Variants in ZNF333 observed in about 807,000 individuals in gnomAD.
ZNF333 encodes zinc finger protein 333.
Under a neutral mutation model 76.1 loss-of-function variants are expected in ZNF333, and 61 were observed. That is an observed-to-expected ratio of 0.80 (90% CI 0.65 to 0.99). ZNF333 has a LOEUF of 0.99. ZNF333 is among the 50% of genes least tolerant of loss of function. The probability of loss-of-function intolerance (pLI) is 0.00; values close to 1 mark genes in which losing one functional copy is unlikely to be tolerated. For synonymous variants in ZNF333, 284 were observed against 305.0 expected (o/e 0.93, Z 0.72); for missense variants, 717 against 822.4 (o/e 0.87, Z 1.57).
At chr19:14,709,929 C>T (rs1184889104) in intron 7 of ZNF333, among the ~76,000 whole-genome samples, 1 of 152,210 alleles carries the variant, frequency 6.6e-6, no homozygotes, top group Non-Finnish European at 1.5e-5. Context: ...CTGACCTAGA[C>T]CATGATAAAT....
chr19:14,706,552 A>C (rs903815538), intron 6 of ZNF333, 134 bp from the exon 7 acceptor site: 1 of 744,182 alleles, frequency 1.3e-6, no homozygotes, highest in African/African-American at 1.8e-5. Flanking sequence ...GACAAGGTAA[A>C]TGGGTCTCTC....
intron 7 of ZNF333, chr19:14,707,369 T>A (rs985338394): frequency 1.3e-5 from 2 of 152,040 alleles, no homozygotes; most frequent in Non-Finnish European, 2.9e-5. Context: ...GTCGCTTTAT[T>A]GCACTTTGCA....
intron 11 of ZNF333, 142 bp from the exon 12 acceptor site, chr19:14,718,086 T>C (rs1033487336): frequency 6.8e-6 from 8 of 1,178,944 alleles, no homozygotes; most frequent in Non-Finnish European, 9.3e-6. Flanking sequence ...TTGAAGGAAC[T>C]CTGGATAGAA....
chr19:14,699,497 G>T, intron 5 of ZNF333: 2 of 449,882 alleles, frequency 4.4e-6, no homozygotes, highest in Non-Finnish European at 8.1e-6. Context: ...GTCTTGTTCT[G>T]TCACCCAGGC....
intron 4 of ZNF333, among the ~76,000 whole-genome samples, chr19:14,697,905 T>C (rs561677441): frequency 1.3e-4 from 20 of 152,320 alleles, no homozygotes; most frequent in East Asian, 5.8e-4. Context: ...ATGTTCTTTG[T>C]CTAGTTCTTT....
rs1284375815 is a variant in ZNF333 at position 14,718,999 on chromosome 19, G to GGA, written c.1677_1678dup (p.Lys560ArgfsTer51). The GGA allele has an allele frequency of 3.1e-6, 5 of 1,614,090 alleles. No individual in the cohort carries two copies. The highest frequency in any genetic ancestry group is 4.2e-6 in the Non-Finnish European group (5 of 1,180,052). ...GAAGAGTCACATGCGAACTCACACT[G>GGA]GAGAGAAGCCCTATGTGTGCCAGGA... On this transcript the variant is annotated frameshift_variant, in exon 12 of 12. Transcript: ENST00000292530. LOFTEE classifies it high-confidence loss of function.
intron 7 of ZNF333, among the ~76,000 whole-genome samples, chr19:14,712,730 C>G (rs1599738216): frequency 6.6e-6 from 1 of 152,080 alleles, no homozygotes; most frequent in Non-Finnish European, 1.5e-5. Context: ...GCTGTGTCAC[C>G]TCTGTGTATC....
chr19:14,695,621 A>C lies in ZNF333; in HGVS notation c.183A>C (p.Pro61=), dbSNP rs368867569. 251 of 1,614,060 alleles carry C rather than the reference A, an allele frequency of 1.6e-4. 1 individual carries two copies. The highest frequency in any genetic ancestry group is 1.5e-4 in the South Asian group (14 of 91,088). Residue 61 remains proline, a synonymous_variant, in exon 4 of 12, where the codon CCA becomes CCC. Transcript: ENST00000292530. The stretch of plus-strand genomic sequence containing the variant: ...CCCAGCTGGGGCAAAGAGCAGAGCC[A>C]AAGGCAACAGAACGAGGGATTCTCC... ...CVSQLGQRAE[P]KATERGILRA...
At position 14,720,890 on chromosome 19, in the gene ZNF333, T is replaced by C. The variant is rs2042570425; in HGVS notation, c.*1565T>C. 1 of 891,720 alleles carries C rather than the reference T, an allele frequency of 1.1e-6. No homozygotes were observed. Among genetic ancestry groups the C allele is most frequent in the African/African-American group, 1.8e-5 (1 of 55,222 alleles). 55.2% of individuals were successfully genotyped at this position (891,720 alleles called of 1,614,324 possible). On this transcript the variant is annotated 3_prime_UTR_variant, in exon 12 of 12. Coordinates refer to ENST00000292530, the MANE Select transcript of ZNF333 (RefSeq NM_032433.4). The stretch of plus-strand genomic sequence containing the variant: ...CATTCTGTCAGTTTTTAAATTTATG[T>C]ATATACATACATATATATGTTTTGA...
intron 5 of ZNF333, among the ~76,000 whole-genome samples, chr19:14,703,645 G>A (rs1249751071): frequency 1.3e-5 from 2 of 152,214 alleles, no homozygotes; most frequent in African/African-American, 2.4e-5. Flanking sequence ...AGAAAGGAGC[G>A]AGGGGATAGC....
intron 2 of ZNF333, 79 bp from the exon 3 acceptor site, chr19:14,694,931 T>A: frequency 1.3e-6 from 2 of 1,586,704 alleles, no homozygotes; most frequent in Non-Finnish European, 1.7e-6. Context: ...GAACATTTTC[T>A]CTTCTCCAGT....
At chr19:14,696,199 G>C (rs1020406767) in intron 4 of ZNF333, among the ~76,000 whole-genome samples, 7 of 152,136 alleles carry the variant, frequency 4.6e-5, no homozygotes, top group African/African-American at 1.7e-4. Context: ...AAAAATTAGA[G>C]CTATAAGTCA....
At chr19:14,700,882 G>T (rs1197923982) in intron 5 of ZNF333, among the ~76,000 whole-genome samples, 1 of 152,156 alleles carries the variant, frequency 6.6e-6, no homozygotes, top group Non-Finnish European at 1.5e-5. Context: ...GGGGTGCAGT[G>T]GCCTCGGTTT....
intron 7 of ZNF333, among the ~76,000 whole-genome samples, chr19:14,711,113 C>A (rs1282907273): frequency 6.6e-6 from 1 of 152,174 alleles, no homozygotes; most frequent in Non-Finnish European, 1.5e-5. Flanking sequence ...CCAAGTCCCG[C>A]CTCCGACACT....
At chr19:14,715,273 G>A (rs986797136) in intron 7 of ZNF333, 109 bp from the exon 8 acceptor site, 1 of 837,380 alleles carries the variant, frequency 1.2e-6, no homozygotes, top group Non-Finnish European at 1.9e-6. Context: ...GTGTGCATGT[G>A]TGTGTGTACA....
At chr19:14,712,333 C>G (rs560290142) in intron 7 of ZNF333, among the ~76,000 whole-genome samples, 1 of 152,052 alleles carries the variant, frequency 6.6e-6, no homozygotes, top group South Asian at 2.1e-4. Context: ...GATTCTCGTG[C>G]CTCAGCCTCC....
Position 14,719,313 on chromosome 19 carries a change from C to A in ZNF333, c.1986C>A (p.Pro662=). 2 of 1,598,150 alleles carry A rather than the reference C, an allele frequency of 1.3e-6. No individual in the cohort carries two copies. The highest frequency in any genetic ancestry group is 1.7e-6 in the Non-Finnish European group (2 of 1,172,688). Residue 662 remains proline, a synonymous_variant, in exon 12 of 12, where the codon CCC becomes CCA. Coordinates refer to ENST00000292530, the MANE Select transcript of ZNF333 (RefSeq NM_032433.4). The part of the protein sequence containing the change: ...PLSMSHPYCG[P]LAN ...CCATGTCTCATCCATACTGTGGGCCCCTTGCTAATTAACTTCCATTTTGTA... is the reference window on the plus strand; with the variant it reads ...CCATGTCTCATCCATACTGTGGGCCACTTGCTAATTAACTTCCATTTTGTA...
rs573620531 is a variant in ZNF333, at chr19:14,699,064, T to C, written c.224-135T>C. Reference sequence around the variant, plus strand: ...TTCGGTATTAAAATTTGAATATTTATATTCAACATTAAAAGAAAAAGCCTA... The same window carrying C: ...TTCGGTATTAAAATTTGAATATTTACATTCAACATTAAAAGAAAAAGCCTA... On this transcript the variant is annotated intron_variant, in intron 4 of 11. Coordinates refer to ENST00000292530, the MANE Select transcript of ZNF333 (RefSeq NM_032433.4). 2.4e-5 allele frequency: 14 copies of C among 594,484 alleles called. No individual in the cohort carries two copies. In the East Asian group the frequency reaches 3.6e-4, roughly 15 times the overall value. The allele number at this position is 594,484 out of a possible 1,614,324, so 36.8% of individuals were successfully genotyped here.
intron 11 of ZNF333, chr19:14,731,134 T>C (rs2042667812): frequency 6.5e-7 from 1 of 1,528,648 alleles, no homozygotes; most frequent in Non-Finnish European, 8.8e-7. Flanking sequence ...CAATTTCTCT[T>C]CTCTTTCCCT....
Sources: gnomAD v4.1 joint callset for allele counts (sites outside exome capture counted in the v4.1 genomes callset) on GRCh38, gnomAD v4.1.1 for gene constraint, MANE v1.5 for transcripts, NCBI Gene and HGNC (gene_info 2026-07-23, HGNC 2026-07-21) for gene names.